The following ZNF415 variants were observed in gnomAD, a reference collection of about 807,000 sequenced individuals.
The protein encoded by ZNF415 is zinc finger protein 415.
Under a neutral mutation model 7.3 loss-of-function variants are expected in ZNF415, and 5 were observed. The ratio of observed to expected loss-of-function variants is 0.69; its 90% CI spans 0.36 to 1.44. ZNF415 has a LOEUF of 1.44. Ranked by LOEUF, ZNF415 falls within the 40% of genes most tolerant of loss-of-function variation. The pLI is 0.04. For missense variants in ZNF415, 628 were observed against 664.8 expected (o/e 0.94, Z 0.61); for synonymous variants, 207 against 226.3 (o/e 0.91, Z 0.77).
rs2086891278 is a variant in ZNF415, at chr19:53,115,563, A to G, written c.136+750T>C. On this transcript the variant is annotated intron_variant, in intron 3 of 3. Transcript: ENST00000243643. The stretch of plus-strand genomic sequence containing the variant: ...TATGACACGTCTCAAGAGCAGAGGG[A>G]GAAGTAGGGGAAGTTTAAAATTTCC... 8 of 662,684 alleles carry G rather than the reference A, an allele frequency of 1.2e-5. No individual in the cohort carries two copies. In the East Asian group the frequency reaches 2.2e-4, roughly 18 times the overall value. 41.1% of individuals were successfully genotyped at this position (662,684 alleles called of 1,614,324 possible). A position where few individuals can be genotyped will look rare whatever the true frequency, so the allele number is the denominator to read the frequency against.
intron 1 of ZNF415, among the ~76,000 whole-genome samples, chr19:53,130,614 GA>G (rs1222831624): frequency 1.3e-5 from 2 of 151,656 alleles, no homozygotes; most frequent in South Asian, 2.1e-4. Flanking sequence ...GAATTAGTAA[GA>G]AAAAAAGCAA....
At chr19:53,116,171 T>G (rs956276505) in intron 3 of ZNF415, 142 bp downstream of exon 3, 9 of 989,810 alleles carry the variant, frequency 9.1e-6, no homozygotes, top group Non-Finnish European at 1.4e-5. Context: ...AACTCCAGAG[T>G]TCACATTATG....
In ZNF415 at chr19:53,108,439, G is replaced by A. The variant is rs138184993; in HGVS notation, c.1606C>T (p.Arg536Cys). 417 of 1,613,998 alleles carry A rather than the reference G, an allele frequency of 2.6e-4. 2 individuals are homozygous for A. Among genetic ancestry groups the A allele is most frequent in the Middle Eastern group, 1.8e-3 (11 of 6,062 alleles). Residue 536 changes from arginine (R) to cysteine (C), a missense_variant, in exon 4 of 4, where the codon CGC becomes TGC. Transcript: ENST00000243643. ...CSDCGKSFSV[R>C]PNLFRHQIIH... ...ATTTGATGTCTGAAGAGGTTTGGGC[G>A]CACACTAAAGGACTTCCCACAATCA...
intron 2 of ZNF415, among the ~76,000 whole-genome samples, chr19:53,119,052 G>A (rs1282077360): frequency 2.0e-5 from 3 of 152,002 alleles, no homozygotes; most frequent in Non-Finnish European, 2.9e-5. Flanking sequence ...AGGCCAAGGC[G>A]GGCGGATCAC....
chr19:53,121,358 A>C (rs1038697188), intron 2 of ZNF415, among the ~76,000 whole-genome samples: 1 of 149,548 alleles, frequency 6.7e-6, no homozygotes, highest in African/African-American at 2.5e-5. Flanking sequence ...GCACTCCAGC[A>C]TGGGCGACAG....
intron 2 of ZNF415, among the ~76,000 whole-genome samples, chr19:53,119,059 T>C (rs1013899862): frequency 6.6e-6 from 1 of 151,998 alleles, no homozygotes; most frequent in Non-Finnish European, 1.5e-5. Flanking sequence ...GGCGGGCGGA[T>C]CACGAGGTCA....
At chr19:53,132,478 G>A (rs1444355230) in intron 1 of ZNF415, among the ~76,000 whole-genome samples, 1 of 152,170 alleles carries the variant, frequency 6.6e-6, no homozygotes, top group Admixed American at 6.5e-5. Context: ...AGGATCCCAG[G>A]ACCAGGCAGA....
At chr19:53,129,256 G>A (rs1263139502) in intron 1 of ZNF415, among the ~76,000 whole-genome samples, 1 of 152,164 alleles carries the variant, frequency 6.6e-6, no homozygotes, top group Non-Finnish European at 1.5e-5. Context: ...GCTGGACACT[G>A]GCAGGGGCCC....
At chr19:53,128,378 G>T (rs1057268311) in intron 1 of ZNF415, among the ~76,000 whole-genome samples, 2 of 146,610 alleles carry the variant, frequency 1.4e-5, no homozygotes, top group Admixed American at 7.0e-5. Flanking sequence ...GAAAAAGAGA[G>T]GCCCCAGATC....
At chr19:53,130,815 T>C (rs185871530) in intron 1 of ZNF415, among the ~76,000 whole-genome samples, 1 of 152,182 alleles carries the variant, frequency 6.6e-6, no homozygotes, top group African/African-American at 2.4e-5. Flanking sequence ...CTGGCTAAGT[T>C]TTGTATTTTT....
At chr19:53,117,996 C>G (rs2087334666) in intron 2 of ZNF415, among the ~76,000 whole-genome samples, 1 of 152,014 alleles carries the variant, frequency 6.6e-6, no homozygotes, top group Non-Finnish European at 1.5e-5. Flanking sequence ...TTAAACTTTC[C>G]ACATAAAAGA....
In ZNF415 at chr19:53,122,564, A is replaced by T; in HGVS notation, c.15+98T>A. 4 of 1,605,562 alleles carry T rather than the reference A, an allele frequency of 2.5e-6. No individual in the cohort carries two copies. In the South Asian group the frequency reaches 4.4e-5, roughly 18 times the overall value. On this transcript the variant is annotated intron_variant, in intron 2 of 3. Transcript: ENST00000243643. ...AATGTGAGCAAACGCGTCAGGCAGGATGCTTCAGACTCAGAGAAGATTTGC... is the reference window on the plus strand; with the variant it reads ...AATGTGAGCAAACGCGTCAGGCAGGTTGCTTCAGACTCAGAGAAGATTTGC...
chr19:53,129,922 G>A (rs148481227), intron 1 of ZNF415, among the ~76,000 whole-genome samples: 6 of 152,080 alleles, frequency 3.9e-5, no homozygotes, highest in East Asian at 1.9e-4. Flanking sequence ...AAAGTTAGCC[G>A]GGTGTGGTGG....
At position 53,116,293 on chromosome 19, in the gene ZNF415, T is replaced by C. The variant is rs372701338; in HGVS notation, c.136+20A>G. The C allele has an allele frequency of 1.3e-6, 2 of 1,589,916 alleles. No homozygotes were observed. Among genetic ancestry groups the C allele is most frequent in the African/African-American group, 2.7e-5 (2 of 73,224 alleles). On this transcript the variant is annotated intron_variant, in intron 3 of 3. Transcript: ENST00000243643. ...GATACCAAGGGCAGATTTTGACTTCTGGAAGAAAATTATCCTCACCCAGGG... is the reference window on the plus strand; with the variant it reads ...GATACCAAGGGCAGATTTTGACTTCCGGAAGAAAATTATCCTCACCCAGGG...
At chr19:53,112,497 T>TCGA (rs140590400) in intron 3 of ZNF415, among the ~76,000 whole-genome samples, 4,329 of 152,246 alleles carry the variant, frequency 0.028, 183 homozygotes, top group African/African-American at 0.097. Context: ...GGTATCTGAG[T>TCGA]CATCACTTCC....
chr19:53,122,139 G>A (rs1408749619), intron 2 of ZNF415, among the ~76,000 whole-genome samples: 16 of 151,954 alleles, frequency 1.1e-4, no homozygotes, highest in Admixed American at 1.1e-3. Context: ...CCAGCTACTC[G>A]GGACGCTGAG....
intron 1 of ZNF415, among the ~76,000 whole-genome samples, chr19:53,131,278 C>T (rs1406493977): frequency 3.3e-5 from 5 of 151,884 alleles, no homozygotes; most frequent in African/African-American, 7.3e-5. Flanking sequence ...CCTGCCCCAA[C>T]GCCAGGGAAG....
intron 2 of ZNF415, chr19:53,122,295 C>T: frequency 9.0e-7 from 1 of 1,112,270 alleles, no homozygotes; most frequent in Non-Finnish European, 1.3e-6. Context: ...AACATGACTT[C>T]CATGGGCAGC....
intron 1 of ZNF415, among the ~76,000 whole-genome samples, chr19:53,131,063 CTTTTTTTT>C (rs59835974): frequency 1.9e-4 from 10 of 51,604 alleles, no homozygotes; most frequent in African/African-American, 7.2e-4. Flanking sequence ...TTTCTTGCAA[CTTTTTTTT>C]TTTTTTTTTT....
Sources: allele counts gnomAD v4.1 joint callset (sites outside exome capture counted in the v4.1 genomes callset), GRCh38; gene constraint gnomAD v4.1.1; transcripts MANE v1.5; gene names NCBI Gene and HGNC (gene_info 2026-07-23, HGNC 2026-07-21).